ALG9: variants seen among roughly 807,000 people sequenced by gnomAD.
The protein encoded by ALG9 is alpha-1,2-mannosyltransferase ALG9.
In ALG9, 55 loss-of-function variants were observed where a neutral mutation model predicts 81.8. The observed-to-expected ratio is 0.67, with a 90% confidence interval of 0.54 to 0.84. ALG9 has a LOEUF of 0.84. Among genes scored for constraint, ALG9 ranks in the 40% least tolerant of loss-of-function variants. ALG9 has a pLI of 0.00. For synonymous variants in ALG9, 278 were observed against 274.3 expected, an observed-to-expected ratio of 1.01 and a Z score of -0.13; for missense variants, 629 against 745.0, an observed-to-expected ratio of 0.84 and a Z score of 1.81.
intron 12 of ALG9, 39 bp from the exon 13 acceptor site, chr11:111,836,333 G>A (rs1955272583): frequency 6.2e-7 from 1 of 1,611,866 alleles, no homozygotes; most frequent in South Asian, 1.1e-5. Flanking sequence ...AACACAGGGG[G>A]ATAATATTGC....
rs782737194 is a variant in ALG9 at position 111,868,781 on chromosome 11, ATC to A, written c.271-47_271-46del. On this transcript the variant is annotated intron_variant, in intron 2 of 14. Coordinates refer to ENST00000616540, the MANE Select transcript of ALG9 (RefSeq NM_024740.2). ...AGATTCAGGGTTATACTGGCCAAAA[ATC>A]TCTGTTAAGCAGATGCAAGTGAAGT... The A allele has an allele frequency of 3.3e-6, 5 of 1,522,680 alleles. No homozygotes were observed. The African/African-American group carries it at 4.2e-5, about 13-fold the overall frequency. 94.3% of individuals were successfully genotyped at this position (1,522,680 alleles called of 1,614,324 possible).
chr11:111,806,116 T>A (rs1949891412), intron 14 of ALG9, among the ~76,000 whole-genome samples: 1 of 152,098 alleles, frequency 6.6e-6, no homozygotes, highest in South Asian at 2.1e-4. Flanking sequence ...TGCCTCAGCC[T>A]CCCAAAGTGC....
chr11:111,803,095 T>C (rs1008814301), intron 14 of ALG9, among the ~76,000 whole-genome samples: 2 of 152,154 alleles, frequency 1.3e-5, no homozygotes, highest in Non-Finnish European at 2.9e-5. Flanking sequence ...ATCTATAGAT[T>C]AAATAAAATC....
downstream of ALG9, among the ~76,000 whole-genome samples, chr11:111,778,505 T>G (rs927144493): frequency 1.3e-5 from 2 of 152,058 alleles, no homozygotes; most frequent in Admixed American, 6.6e-5. Context: ...CAGGTAAGGT[T>G]TGATGGGCTG....
At chr11:111,804,186 C>T (rs1036955946) in intron 14 of ALG9, among the ~76,000 whole-genome samples, 1 of 150,330 alleles carries the variant, frequency 6.7e-6, no homozygotes, top group Non-Finnish European at 1.5e-5. Context: ...GTATAAAACT[C>T]CTAGAAGATA....
intron 13 of ALG9, among the ~76,000 whole-genome samples, chr11:111,818,350 C>A (rs1489869948): frequency 1.3e-5 from 2 of 152,180 alleles, no homozygotes; most frequent in Non-Finnish European, 2.9e-5. Flanking sequence ...TAGCCTATGA[C>A]ACACCTAGGC....
the ALG9 span, among the ~76,000 whole-genome samples, chr11:111,770,539 A>T: frequency 6.6e-6 from 1 of 151,836 alleles, no homozygotes; most frequent in Non-Finnish European, 1.5e-5. Context: ...AAAAAAAAAG[A>T]AAAAGAAAGA....
At chr11:111,814,035 A>C (rs1273366731) in intron 13 of ALG9, among the ~76,000 whole-genome samples, 2 of 152,226 alleles carry the variant, frequency 1.3e-5, no homozygotes, top group African/African-American at 4.8e-5. Flanking sequence ...CCTAATGTAT[A>C]TCCAACAGAA....
rs782017082 is a variant in ALG9 at position 111,868,658 on chromosome 11, G to C, written c.349C>G (p.Leu117Val). ...GCAGCTGGCCAGGCATGAAGCAACA[G>C]GTAAGCATAGGAGCGAATGGCATAT... ...PAYAIRSYAY[L>V]LLHAWPAAFH... The change falls in exon 3 of 15, where the codon CTG becomes GTG. Residue 117 changes from leucine to valine, a missense_variant. Physicochemically the swap from Leu to Val is conservative, Grantham distance 32. Around this residue, in one of 3 missense-constraint regions of ALG9, gnomAD observed 344 missense variants for 390.5 expected, o/e 0.88. Coordinates refer to ENST00000616540, the MANE Select transcript of ALG9 (RefSeq NM_024740.2). 2 of 1,614,026 alleles carry C rather than the reference G, an allele frequency of 1.2e-6. No individual in the cohort carries two copies. Among genetic ancestry groups the C allele is most frequent in the Non-Finnish European group, 1.7e-6 (2 of 1,179,880 alleles).
the ALG9 span, among the ~76,000 whole-genome samples, chr11:111,773,005 G>A: frequency 2.0e-5 from 3 of 151,974 alleles, no homozygotes; most frequent in Non-Finnish European, 4.4e-5. Context: ...CTGGGAGGCC[G>A]AGGCAGGCGG....
intron 13 of ALG9, among the ~76,000 whole-genome samples, chr11:111,833,744 T>C (rs1555114996): frequency 2.0e-5 from 3 of 152,228 alleles, no homozygotes; most frequent in Non-Finnish European, 4.4e-5. Flanking sequence ...TTTCCCTGCT[T>C]TTATCAGCCA....
intron 14 of ALG9, among the ~76,000 whole-genome samples, chr11:111,797,282 A>C (rs1555076155): frequency 6.6e-6 from 1 of 152,244 alleles, no homozygotes; most frequent in Non-Finnish European, 1.5e-5. Flanking sequence ...GCAGGTCTTG[A>C]GATGCTTACT....
At chr11:111,842,868 C>G (rs1378558202) in intron 9 of ALG9, among the ~76,000 whole-genome samples, 2 of 152,158 alleles carry the variant, frequency 1.3e-5, no homozygotes, top group Non-Finnish European at 2.9e-5. Flanking sequence ...TTTTATCATA[C>G]TGTAGAGAAC....
intron 14 of ALG9, among the ~76,000 whole-genome samples, chr11:111,786,769 G>C (rs1946531745): frequency 6.6e-6 from 1 of 152,050 alleles, no homozygotes; most frequent in Admixed American, 6.6e-5. Context: ...AATAGCTCTA[G>C]GTCTTCATTT....
intron 13 of ALG9, among the ~76,000 whole-genome samples, chr11:111,823,581 T>C (rs966168623): frequency 1.3e-5 from 2 of 152,176 alleles, no homozygotes; most frequent in African/African-American, 4.8e-5. Context: ...TTAAAGCCAA[T>C]GTTAAATATG....
At chr11:111,865,841 ATC>A (rs1378628415) in intron 3 of ALG9, among the ~76,000 whole-genome samples, 2 of 151,950 alleles carry the variant, frequency 1.3e-5, no homozygotes, top group Non-Finnish European at 2.9e-5. Flanking sequence ...TTTTCCTCCT[ATC>A]TTCCAAAGTT....
chr11:111,856,094 T>C (rs369778500), intron 6 of ALG9, among the ~76,000 whole-genome samples: 3 of 151,964 alleles, frequency 2.0e-5, no homozygotes, highest in African/African-American at 4.8e-5. Flanking sequence ...CTGGCCAATA[T>C]GGTAAAACCT....
At position 111,784,088 on chromosome 11, in the gene ALG9, G is replaced by A. The variant is rs1379248690; in HGVS notation, c.*2309C>T. 6.6e-6 allele frequency: 1 copy of A among 152,192 alleles called. No homozygotes were observed. Among genetic ancestry groups the A allele is most frequent in the Non-Finnish European group, 1.5e-5 (1 of 68,036 alleles). The allele number at this position is 152,192 out of a possible 1,614,324, so 9.4% of individuals were successfully genotyped here. The stretch of plus-strand genomic sequence containing the variant: ...CTGTGAAGAACAGCACATTATTACT[G>A]CAAGTAAGGCAAATGTTTCACTTAA... On this transcript the variant is annotated 3_prime_UTR_variant, in exon 15 of 15. Coordinates refer to ENST00000616540, the MANE Select transcript of ALG9 (RefSeq NM_024740.2).
At chr11:111,860,421 C>A in intron 5 of ALG9, 126 bp downstream of exon 5, 3 of 814,026 alleles carry the variant, frequency 3.7e-6, no homozygotes, top group South Asian at 1.4e-5. Flanking sequence ...ACAAATATAA[C>A]CTACATTTGG....
Sources: gnomAD v4.1 joint callset for allele counts (sites outside exome capture counted in the v4.1 genomes callset) on GRCh38, gnomAD v4.1.1 for gene constraint, gnomAD v4.1.1 regional missense constraint, MANE v1.5 for transcripts, NCBI Gene and HGNC (gene_info 2026-07-23, HGNC 2026-07-21) for gene names.